The following CDH18 variants were observed in gnomAD, a reference collection of about 807,000 sequenced individuals.
The protein encoded by CDH18 is cadherin 18, also known as cadherin-18.
A neutral mutation model predicts 67.9 loss-of-function variants in CDH18; 31 were observed. The ratio of observed to expected loss-of-function variants is 0.46; its 90% CI spans 0.34 to 0.62. The LOEUF is 0.62. Ranked by LOEUF, CDH18 falls within the 20% of genes least tolerant of loss-of-function variation. CDH18 has a pLI of 0.01. For missense variants in CDH18, 890 were observed against 975.5 expected (o/e 0.91, Z 1.17); for synonymous variants, 362 against 347.2 (o/e 1.04, Z -0.48).
intron 3 of CDH18, among the ~76,000 whole-genome samples, chr5:19,776,048 A>G (rs1774324931): frequency 6.6e-6 from 1 of 152,198 alleles, no homozygotes; most frequent in Non-Finnish European, 1.5e-5. Flanking sequence ...TATCAGAGAA[A>G]TAATGGATGC....
chr5:20,379,580 T>C (rs1580865687), intron 1 of CDH18, among the ~76,000 whole-genome samples: 1 of 152,138 alleles, frequency 6.6e-6, no homozygotes, highest in Non-Finnish European at 1.5e-5. Context: ...TGAGTAGATA[T>C]ATTCAGTTAA....
chr5:20,151,041 G>A (rs932515566), intron 2 of CDH18, among the ~76,000 whole-genome samples: 2 of 151,238 alleles, frequency 1.3e-5, no homozygotes, highest in Non-Finnish European at 2.9e-5. Flanking sequence ...TTTAGATATA[G>A]TGGGTCCTAT....
intron 7 of CDH18, among the ~76,000 whole-genome samples, chr5:19,577,812 T>C (rs1243718148): frequency 2.6e-5 from 4 of 152,212 alleles, no homozygotes; most frequent in African/African-American, 7.2e-5. Flanking sequence ...AATATGAATA[T>C]GGCAAATCAT....
chr5:20,373,470 T>A (rs10071262), intron 1 of CDH18, among the ~76,000 whole-genome samples: 30,525 of 151,942 alleles, frequency 0.2, 3,234 homozygotes, highest in East Asian at 0.3. Flanking sequence ...TATTCTTATC[T>A]TCTCATATTA....
intron 2 of CDH18, among the ~76,000 whole-genome samples, chr5:20,159,812 T>A (rs991974185): frequency 6.6e-6 from 1 of 152,142 alleles, no homozygotes; most frequent in Non-Finnish European, 1.5e-5. Context: ...TCTCTTTGCC[T>A]CACTTCCTAA....
At chr5:20,031,096 A>G (rs940307632) in intron 2 of CDH18, among the ~76,000 whole-genome samples, 2 of 152,072 alleles carry the variant, frequency 1.3e-5, no homozygotes, top group Non-Finnish European at 2.9e-5. Flanking sequence ...CATTATTTTT[A>G]CCTGTGCATG....
intron 1 of CDH18, among the ~76,000 whole-genome samples, chr5:20,310,562 AT>A (rs1302840325): frequency 6.6e-6 from 1 of 152,180 alleles, no homozygotes; most frequent in East Asian, 1.9e-4. Context: ...TTACTCGCTC[AT>A]TATGTCTCAT....
In CDH18 at chr5:19,591,141, G is replaced by A. The variant is rs1275367420; in HGVS notation, c.915C>T (p.Tyr305=). The A allele has an allele frequency of 1.2e-6, 2 of 1,610,726 alleles. No individual in the cohort carries two copies. Among genetic ancestry groups the A allele is most frequent in the South Asian group, 2.2e-5 (2 of 90,960 alleles). Residue 305 remains tyrosine (Y), a synonymous_variant, in exon 7 of 13, where the codon TAC becomes TAT. Coordinates refer to ENST00000382275, the MANE Select transcript of CDH18 (RefSeq NM_004934.5). Reference sequence around the variant, plus strand: ...CCATGCCATCACCATTTATGATGGAGTAGGTCATGTCAGCATTTGAGCCAG... The same window carrying A: ...CCATGCCATCACCATTTATGATGGAATAGGTCATGTCAGCATTTGAGCCAG... ...ADTGSNADMT[Y]SIINGDGMGI...
At chr5:19,847,256 A>T (rs1440557935) in intron 2 of CDH18, among the ~76,000 whole-genome samples, 3 of 152,004 alleles carry the variant, frequency 2.0e-5, no homozygotes, top group South Asian at 2.1e-4. Context: ...TTGGAATCTC[A>T]CAATGTGCAT....
intron 2 of CDH18, among the ~76,000 whole-genome samples, chr5:20,046,951 A>G (rs1385452335): frequency 1.3e-5 from 2 of 151,990 alleles, no homozygotes; most frequent in Non-Finnish European, 2.9e-5. Flanking sequence ...ACATGTATAC[A>G]TATGTAACTA....
chr5:20,517,233 G>C (rs950431371), intron 1 of CDH18, among the ~76,000 whole-genome samples: 1 of 151,444 alleles, frequency 6.6e-6, no homozygotes, highest in African/African-American at 2.4e-5. Context: ...TTTAAATCAT[G>C]AATAGAGAGA....
At chr5:19,886,311 A>G (rs978591348) in intron 2 of CDH18, 1 of 152,192 alleles carries the variant, frequency 6.6e-6, no homozygotes, top group African/African-American at 2.4e-5. Context: ...CTTTCGTGAC[A>G]TGGTGAGTCA....
chr5:20,209,715 A>G (rs896822458), intron 2 of CDH18, among the ~76,000 whole-genome samples: 39 of 152,054 alleles, frequency 2.6e-4, no homozygotes, highest in Non-Finnish European at 1.2e-4. Flanking sequence ...AATATACAAT[A>G]GTCTATTGTA....
intron 1 of CDH18, among the ~76,000 whole-genome samples, chr5:20,426,720 C>G: frequency 6.6e-6 from 1 of 150,990 alleles, no homozygotes; most frequent in East Asian, 1.9e-4. Context: ...TCTGTCACTT[C>G]TAAAAAGCTT....
intron 1 of CDH18, among the ~76,000 whole-genome samples, chr5:20,287,246 T>C (rs983806460): frequency 4.6e-5 from 7 of 151,766 alleles, no homozygotes; most frequent in African/African-American, 1.7e-4. Flanking sequence ...TCATCTATTA[T>C]ATCTTAATTG....
At chr5:19,607,584 A>G (rs1400715608) in intron 6 of CDH18, among the ~76,000 whole-genome samples, 1 of 151,444 alleles carries the variant, frequency 6.6e-6, no homozygotes, top group Non-Finnish European at 1.5e-5. Context: ...AAAGGAGAAG[A>G]AAAGATTAGC....
At chr5:19,770,107 A>G (rs922407687) in intron 3 of CDH18, among the ~76,000 whole-genome samples, 20 of 152,106 alleles carry the variant, frequency 1.3e-4, no homozygotes, top group Non-Finnish European at 8.8e-5. Flanking sequence ...AAAACATTAT[A>G]TATTGCAGAT....
At chr5:20,198,095 T>C (rs1739133669) in intron 2 of CDH18, among the ~76,000 whole-genome samples, 1 of 152,166 alleles carries the variant, frequency 6.6e-6, no homozygotes, top group African/African-American at 2.4e-5. Flanking sequence ...CATGTGGAAC[T>C]GTTAATCAAT....
At chr5:19,594,378 C>A (rs2150040998) in intron 6 of CDH18, among the ~76,000 whole-genome samples, 1 of 152,204 alleles carries the variant, frequency 6.6e-6, no homozygotes, top group South Asian at 2.1e-4. Context: ...GTCTTGAACT[C>A]CTGACCTCGT....
Sources: allele counts gnomAD v4.1 joint callset (sites outside exome capture counted in the v4.1 genomes callset), GRCh38; gene constraint gnomAD v4.1.1; transcripts MANE v1.5; gene names NCBI Gene and HGNC (gene_info 2026-07-23, HGNC 2026-07-21).